SOS1: variants seen among roughly 807,000 people sequenced by gnomAD.
SOS1 encodes the protein SOS Ras/Rac guanine nucleotide exchange factor 1.
A neutral mutation model predicts 157.6 loss-of-function variants in SOS1; 25 were observed. That is an observed-to-expected ratio of 0.16 (90% confidence interval 0.12 to 0.22). SOS1 has a LOEUF of 0.22. SOS1 is among the 10% of genes least tolerant of loss of function. The pLI, the probability that SOS1 is intolerant of heterozygous loss-of-function variation, is 1.00. For synonymous variants in SOS1, 528 were observed against 534.0 expected (o/e 0.99, Z 0.16); for missense variants, 1,237 against 1,599.1 (o/e 0.77, Z 3.86).
chr2:39,022,203 T>C (rs1224093819), intron 10 of SOS1, among the ~76,000 whole-genome samples: 1 of 151,650 alleles, frequency 6.6e-6, no homozygotes, highest in Non-Finnish European at 1.5e-5. Flanking sequence ...AATTTTTATT[T>C]ATAATCTCAG....
intron 1 of SOS1, among the ~76,000 whole-genome samples, chr2:39,074,938 G>C (rs1290973197): frequency 1.3e-5 from 2 of 152,058 alleles, no homozygotes; most frequent in Non-Finnish European, 2.9e-5. Flanking sequence ...AACTAAGTTG[G>C]ACCATGGACC....
intron 6 of SOS1, among the ~76,000 whole-genome samples, chr2:39,050,829 AAGTTCTGTGGTCTCTTACTTAAT>A (rs1670987128): frequency 6.6e-6 from 1 of 152,200 alleles, no homozygotes; most frequent in Non-Finnish European, 1.5e-5. Flanking sequence ...CCTCAGGTGC[AAGTTCTGTGGTCTCTTACTTAAT>A]AGTCATTCAT....
rs1328089061 is a variant in SOS1 at position 38,987,606 on chromosome 2, A to G, written c.3392-15T>C. 2 of 1,262,512 alleles carry G rather than the reference A, an allele frequency of 1.6e-6. No homozygotes were observed. Among genetic ancestry groups the G allele is most frequent in the Non-Finnish European group, 2.3e-6 (2 of 863,018 alleles). 78.2% of individuals were successfully genotyped at this position (1,262,512 alleles called of 1,614,324 possible). A position where few individuals can be genotyped will look rare whatever the true frequency, so the allele number is the denominator to read the frequency against. On this transcript the variant is annotated splice_polypyrimidine_tract_variant and intron_variant, in intron 21 of 22. Coordinates refer to ENST00000402219, the MANE Select transcript of SOS1 (RefSeq NM_005633.4). ...AGAAGCAGATCCTGTGGGATGTTAA[A>G]TTTTTAAGAAAAAGTCCACAGGAAT...
intron 1 of SOS1, among the ~76,000 whole-genome samples, chr2:39,105,016 T>C (rs566017904): frequency 6.6e-6 from 1 of 152,196 alleles, no homozygotes; most frequent in African/African-American, 2.4e-5. Flanking sequence ...TGTATAAATA[T>C]ATTTCACCAC....
intron 1 of SOS1, among the ~76,000 whole-genome samples, chr2:39,093,727 G>A (rs1336206275): frequency 6.6e-6 from 1 of 152,166 alleles, no homozygotes; most frequent in Non-Finnish European, 1.5e-5. Flanking sequence ...ATAGTAGGAG[G>A]CCAGATCACT....
rs773378100 is a variant in SOS1, at chr2:39,012,239, G to A, written c.2277C>T (p.Pro759=). The A allele has an allele frequency of 2.5e-6, 4 of 1,613,134 alleles. No homozygotes were observed. In the Admixed American group the frequency reaches 6.7e-5, roughly 27 times the overall value. Residue 759 remains proline, a synonymous_variant, in exon 14 of 23, where the codon CCC becomes CCT. Transcript: ENST00000402219. ...GTCTGCTTATATGCCACTCAACTGT[G>A]GGAGGTGAACTCTGAAATGTAATAT... The part of the protein sequence containing the change: ...GHNITFQSSP[P]TVEWHISRPG...
chr2:39,121,254 G>A (rs1287666090), upstream of SOS1, among the ~76,000 whole-genome samples: 2 of 152,190 alleles, frequency 1.3e-5, no homozygotes, highest in Non-Finnish European at 1.5e-5. Flanking sequence ...AAGGGTGGGT[G>A]ATGACTAGGG....
chr2:39,092,255 A>T (rs766586838), intron 1 of SOS1, among the ~76,000 whole-genome samples: 3 of 151,910 alleles, frequency 2.0e-5, no homozygotes, highest in African/African-American at 4.8e-5. Flanking sequence ...GCTGGAGTGT[A>T]GTGGGAGGAT....
At position 39,102,204 on chromosome 2, in the gene SOS1, CAAAAAAAAAAAA is replaced by C. The variant is rs58865034; in HGVS notation, c.87+18120_87+18131del. 2.9e-4 allele frequency among the ~76,000 whole-genome samples: 7 copies of C among 23,752 alleles called. No homozygotes were observed. The South Asian group carries it at 0.02, about 68-fold the overall frequency. 15.6% of individuals were successfully genotyped at this position (23,752 alleles called of 152,430 possible). A position where few individuals can be genotyped will look rare whatever the true frequency, so the allele number is the denominator to read the frequency against. On this transcript the variant is annotated intron_variant, in intron 1 of 22. Coordinates refer to ENST00000402219, the MANE Select transcript of SOS1 (RefSeq NM_005633.4). ...CGGGTGACAGTGCGAGACTCTGTCT[CAAAAAAAAAAAA>C]AAAAAAAAAAAAAAGTGCCACTTTG...
Position 39,024,142 on chromosome 2 carries a change from A to G in SOS1, c.1075-5T>C. On this transcript the variant is annotated splice_region_variant and splice_polypyrimidine_tract_variant and intron_variant, in intron 8 of 22. Transcript: ENST00000402219. ...TTCACTTTTTTCTTCTAACTGCTGT[A>G]AAGCCAAAATGACAAATCTGAACCA... 1 of 1,609,494 alleles carries G rather than the reference A, an allele frequency of 6.2e-7. No homozygotes were observed.
intron 15 of SOS1, among the ~76,000 whole-genome samples, chr2:39,008,359 C>CA (rs1344050206): frequency 1.3e-5 from 2 of 152,166 alleles, no homozygotes; most frequent in Non-Finnish European, 2.9e-5. Context: ...GCAGAAGTGT[C>CA]ACTCAGAGAA....
intron 2 of SOS1, among the ~76,000 whole-genome samples, chr2:39,059,140 GAAGTA>G (rs1671315744): frequency 6.6e-6 from 1 of 152,076 alleles, no homozygotes; most frequent in South Asian, 2.1e-4. Flanking sequence ...CCAAGATCAA[GAAGTA>G]AATATCTAAA....
chr2:39,081,589 C>T (rs1672202609), intron 1 of SOS1, among the ~76,000 whole-genome samples: 1 of 151,950 alleles, frequency 6.6e-6, no homozygotes, highest in African/African-American at 2.4e-5. Flanking sequence ...CTTTGGGAGG[C>T]CAAGGCAGGC....
chr2:39,045,086 T>A (rs969029801), intron 6 of SOS1, among the ~76,000 whole-genome samples: 4 of 152,208 alleles, frequency 2.6e-5, no homozygotes, highest in Non-Finnish European at 5.9e-5. Flanking sequence ...TGTACCCTGA[T>A]GTAATGTATT....
intron 10 of SOS1, among the ~76,000 whole-genome samples, chr2:39,015,471 T>C (rs1238752114): frequency 6.6e-6 from 1 of 152,084 alleles, no homozygotes; most frequent in African/African-American, 2.4e-5. Context: ...TTCCAACCTT[T>C]AATTGCCTTT....
rs1668534918 is a variant in SOS1 at position 38,985,716 on chromosome 2, T to TA, written c.*107dup. ...ATACTGCATCTTGAAGAAGAGTCGT[T>TA]AGTGTTTGGAGTTCTCATTTTAACT... On this transcript the variant is annotated 3_prime_UTR_variant, in exon 23 of 23. Transcript: ENST00000402219. The TA allele has an allele frequency of 4.3e-6, 4 of 937,588 alleles. No homozygotes were observed. Among genetic ancestry groups the TA allele is most frequent in the Non-Finnish European group, 6.7e-6 (4 of 598,804 alleles). 58.1% of individuals were successfully genotyped at this position (937,588 alleles called of 1,614,324 possible).
chr2:39,122,447 TACACACACACACACAC>T (rs70954783), upstream of SOS1, among the ~76,000 whole-genome samples: 8 of 142,210 alleles, frequency 5.6e-5, no homozygotes, highest in South Asian at 7.1e-4. Context: ...AAAAAAAATA[TACACACACACACACAC>T]ACACACACAC....
At chr2:39,061,042 T>C (rs6758330) in intron 2 of SOS1, among the ~76,000 whole-genome samples, 120,650 of 151,790 alleles carry the variant, frequency 0.79, 49,808 homozygotes, top group Non-Finnish European at 0.91. Flanking sequence ...ATATCAATTA[T>C]GTCTACCTCA....
chr2:39,079,533 C>T (rs1348760700), intron 1 of SOS1, among the ~76,000 whole-genome samples: 2 of 115,592 alleles, frequency 1.7e-5, no homozygotes, highest in African/African-American at 6.8e-5. Flanking sequence ...CTCGCTCTGT[C>T]GCCCAGGTTG....
Sources: allele counts gnomAD v4.1 joint callset (sites outside exome capture counted in the v4.1 genomes callset), GRCh38; gene constraint gnomAD v4.1.1; transcripts MANE v1.5; gene names NCBI Gene and HGNC (gene_info 2026-07-23, HGNC 2026-07-21).